Variants in PIGQ observed in about 807,000 individuals in gnomAD.
PIGQ encodes the protein phosphatidylinositol N-acetylglucosaminyltransferase subunit Q.
A neutral mutation model predicts 60.3 loss-of-function variants in PIGQ; 54 were observed. That is an observed-to-expected ratio of 0.90 (90% CI 0.72 to 1.12). The LOEUF (loss-of-function observed/expected upper bound fraction) is 1.12, where lower values mean the gene tolerates loss of function less well. Among genes scored for constraint, PIGQ ranks in the 50% most tolerant of loss-of-function variants. PIGQ has a pLI of 0.00. For synonymous variants in PIGQ, 416 were observed against 363.7 expected (o/e 1.14, Z -1.64); for missense variants, 799 against 793.5 (o/e 1.01, Z -0.08).
rs568054183 is a variant in PIGQ, at chr16:579,196, C to T, written c.1335+16C>T. 162 of 1,601,584 alleles carry T rather than the reference C, an allele frequency of 1.0e-4. No homozygotes were observed. Among genetic ancestry groups the T allele is most frequent in the South Asian group, 1.4e-4 (13 of 90,788 alleles). ...CCTGGACCAGGTATGGGGCAGGGTT[C>T]GTGGCTGGAGGGGCTGACTGCCTCC... On this transcript the variant is annotated intron_variant, in intron 7 of 10. Transcript: ENST00000321878.
chr16:583,920 G>A lies in PIGQ; in HGVS notation c.*885G>A, dbSNP rs2035858977. On this transcript the variant is annotated 3_prime_UTR_variant, in exon 11 of 11. Transcript: ENST00000321878. ...CAGACGGCACGGTCTGGGTGCGGGT[G>A]TTCCCTGTGAGCCCGAGTCCGCTTC... 1 of 496,816 alleles carries A rather than the reference G, an allele frequency of 2.0e-6. No individual in the cohort carries two copies. Among genetic ancestry groups the A allele is most frequent in the African/African-American group, 1.9e-5 (1 of 51,544 alleles). 30.8% of individuals were successfully genotyped at this position (496,816 alleles called of 1,614,324 possible). A position where few individuals can be genotyped will look rare whatever the true frequency, so the allele number is the denominator to read the frequency against.
Position 576,162 on chromosome 16 carries a change from C to T in PIGQ, c.850C>T (p.Leu284=). The change falls in exon 4 of 11, where the codon CTG becomes TTG. Residue 284 remains leucine, a synonymous_variant. Coordinates refer to ENST00000321878, the MANE Select transcript of PIGQ (RefSeq NM_004204.5). ...RKANTVASVL[L]DVALGLMLLS... is the part of the protein sequence containing the mutation. ...GGCCAACACGGTGGCCTCTGTGCTG[C>T]TGGACGTGGCCCTGGGCCTCATGCT... 6.5e-7 allele frequency: 1 copy of T among 1,549,334 alleles called. No homozygotes were observed. Among genetic ancestry groups the T allele is most frequent in the Non-Finnish European group, 8.7e-7 (1 of 1,146,896 alleles).
rs146507621 is a variant in PIGQ at position 583,239 on chromosome 16, G to A, written c.*204G>A. ...GTGGGGGTGGCCAGCCAGGCTGGCC[G>A]CACTCCATCACTGGCACTGCCTGCC... On this transcript the variant is annotated 3_prime_UTR_variant, in exon 11 of 11. Coordinates refer to ENST00000321878, the MANE Select transcript of PIGQ (RefSeq NM_004204.5). 45 of 1,612,872 alleles carry A rather than the reference G, an allele frequency of 2.8e-5. No homozygotes were observed. Among genetic ancestry groups the A allele is most frequent in the Middle Eastern group, 1.6e-4 (1 of 6,062 alleles).
At chr16:578,747 G>A (rs753320897) in intron 5 of PIGQ, 38 bp from the exon 6 acceptor site, 1 of 1,604,642 alleles carries the variant, frequency 6.2e-7, no homozygotes, top group South Asian at 1.1e-5. Context: ...GAGGGCTGGG[G>A]TCTGAGCGCC....
At chr16:582,093 G>C (rs1177668077) in intron 9 of PIGQ, 155 bp from the exon 10 acceptor site, 17 of 697,360 alleles carry the variant, frequency 2.4e-5, no homozygotes, top group Non-Finnish European at 4.4e-5. Flanking sequence ...GCCAGCTCCA[G>C]GAGTTGGGCG....
At chr16:580,703 A>G in intron 8 of PIGQ, 155 bp from the exon 9 acceptor site, 1 of 658,506 alleles carries the variant, frequency 1.5e-6, no homozygotes, top group Non-Finnish European at 2.7e-6. Flanking sequence ...GCAAGGCCCA[A>G]TGGCAGACTC....
At position 583,453 on chromosome 16, in the gene PIGQ, A is replaced by G. The variant is rs1423364974; in HGVS notation, c.*418A>G. 6.2e-7 allele frequency: 1 copy of G among 1,612,526 alleles called. No individual in the cohort carries two copies. The highest frequency in any genetic ancestry group is 8.5e-7 in the Non-Finnish European group (1 of 1,179,882). ...GGCTCTGCCCTGGCTGTGGGGGTGG[A>G]GGGACCTTGCCAGGATGAACCCCCC... On this transcript the variant is annotated 3_prime_UTR_variant, in exon 11 of 11. Transcript: ENST00000321878.
Position 576,245 on chromosome 16 carries a change from T to C in PIGQ, c.933T>C (p.Pro311=). Residue 311 remains proline (P), a synonymous_variant, in exon 4 of 11, where the codon CCT becomes CCC. Transcript: ENST00000321878. ...RIGHLADALV[P]VADHVAEELQ... is the part of the protein sequence containing the mutation. Reference sequence around the variant, plus strand: ...GGCATCTGGCCGACGCCCTCGTTCCTGTGGCTGACGTGAGTGGACTGGGGT... The same window carrying C: ...GGCATCTGGCCGACGCCCTCGTTCCCGTGGCTGACGTGAGTGGACTGGGGT... 6.4e-7 allele frequency: 1 copy of C among 1,554,926 alleles called. No homozygotes were observed. Among genetic ancestry groups the C allele is most frequent in the African/African-American group, 1.4e-5 (1 of 73,620 alleles).
At chr16:570,616 C>G (rs1406724096) in intron 1 of PIGQ, 2 of 152,222 alleles carry the variant, frequency 1.3e-5, no homozygotes, top group Non-Finnish European at 2.9e-5. Flanking sequence ...CAGGTGCCCA[C>G]CACCACGCCC....
In PIGQ at chr16:578,859, A is replaced by G; in HGVS notation, c.1144A>G (p.Thr382Ala). The G allele has an allele frequency of 3.7e-6, 6 of 1,613,700 alleles. No individual in the cohort carries two copies. Among genetic ancestry groups the G allele is most frequent in the Non-Finnish European group, 5.1e-6 (6 of 1,179,890 alleles). Reference sequence around the variant, plus strand: ...GGGCCTCTCGGCCTGCCTGGGCCTGACGGTGGCCCTGTCCCTCCTCTCGGA... The same window carrying G: ...GGGCCTCTCGGCCTGCCTGGGCCTGGCGGTGGCCCTGTCCCTCCTCTCGGA... ...HVGLSACLGL[T>A]VALSLLSDII... Residue 382 changes from threonine (T) to alanine (A), a missense_variant, in exon 6 of 11, where the codon ACG (threonine) becomes GCG (alanine). By Grantham distance (58) the Thr-to-Ala change is moderately conservative (BLOSUM62 0). Coordinates refer to ENST00000321878, the MANE Select transcript of PIGQ (RefSeq NM_004204.5).
Position 574,586 on chromosome 16 carries a change from G to A in PIGQ, c.512G>A (p.Arg171His), listed in dbSNP as rs775456149. ...GLAAVFDTVA[R>H]SEVLFRSDRF... ...GCTGCCGTCTTCGACACGGTAGCAC[G>A]CAGTGAGGTGCTCTTCCGCAGTGAC... is the stretch of plus-strand genomic sequence containing the variant. The change falls in exon 2 of 11, where the codon CGC becomes CAC. Residue 171 changes from arginine (R) to histidine (H), a missense_variant. Physicochemically the swap from Arg to His is conservative, Grantham distance 29. Transcript: ENST00000321878. 65 of 1,604,072 alleles carry A rather than the reference G, an allele frequency of 4.1e-5. No individual in the cohort carries two copies. The highest frequency in any genetic ancestry group is 5.2e-5 in the Non-Finnish European group (61 of 1,176,328).
At chr16:570,228 C>T (rs1414621129) in intron 1 of PIGQ, 132 bp downstream of exon 1, 2 of 152,000 alleles carry the variant, frequency 1.3e-5, no homozygotes, top group Admixed American at 6.5e-5. Context: ...GGGCCGCCCC[C>T]GGGCCCGCGC....
At chr16:577,305 T>TCAC (rs2035732857) in intron 4 of PIGQ, 1 of 151,830 alleles carries the variant, frequency 6.6e-6, no homozygotes, top group Non-Finnish European at 1.5e-5. Context: ...CAGCCGGGGG[T>TCAC]GGTGGCTCAT....
chr16:576,378 A>T, intron 4 of PIGQ, 124 bp downstream of exon 4: 1 of 1,171,120 alleles, frequency 8.5e-7, no homozygotes, highest in Non-Finnish European at 1.2e-6. Flanking sequence ...CATGCTCTGG[A>T]GACACGGCCC....
intron 6 of PIGQ, 23 bp downstream of exon 6, chr16:578,961 C>T: frequency 6.2e-7 from 1 of 1,604,744 alleles, no homozygotes; most frequent in Non-Finnish European, 8.5e-7. Context: ...TTCCCCCTCC[C>T]CACCGCCCCC....
In PIGQ at chr16:583,093, C is replaced by T. The variant is rs375309511; in HGVS notation, c.*58C>T. On this transcript the variant is annotated 3_prime_UTR_variant, in exon 11 of 11. Coordinates refer to ENST00000321878, the MANE Select transcript of PIGQ (RefSeq NM_004204.5). ...GGCCACAGCCAGCCATCTGCTCTGC[C>T]AGGGTGGCACCAGCTCAGCTGGCGC... 1 of 1,612,980 alleles carries T rather than the reference C, an allele frequency of 6.2e-7. No homozygotes were observed. Among genetic ancestry groups the T allele is most frequent in the Non-Finnish European group, 8.5e-7 (1 of 1,179,984 alleles).
At chr16:576,326 C>A in intron 4 of PIGQ, 72 bp downstream of exon 4, 1 of 1,473,214 alleles carries the variant, frequency 6.8e-7, no homozygotes, top group Non-Finnish European at 9.1e-7. Flanking sequence ...AGAGCCTTCC[C>A]GGGCCAGAGC....
In PIGQ at chr16:574,070, C is replaced by T. The variant is rs932208184; in HGVS notation, c.-5C>T. Reference sequence around the variant, plus strand: ...GCCTCTCCTCTTCTCTTCCAGCCTCCCGGCATGGTGCTCAAGGCCTTCTTC... The same window carrying T: ...GCCTCTCCTCTTCTCTTCCAGCCTCTCGGCATGGTGCTCAAGGCCTTCTTC... On this transcript the variant is annotated 5_prime_UTR_variant, in exon 2 of 11. Coordinates refer to ENST00000321878, the MANE Select transcript of PIGQ (RefSeq NM_004204.5). 32 of 1,590,906 alleles carry T rather than the reference C, an allele frequency of 2.0e-5. No homozygotes were observed. The highest frequency in any genetic ancestry group is 2.7e-5 in the Non-Finnish European group (31 of 1,168,920).
chr16:574,260 G>A lies in PIGQ; in HGVS notation c.186G>A (p.Val62=). 1.2e-6 allele frequency: 2 copies of A among 1,608,456 alleles called. No individual in the cohort carries two copies. Among genetic ancestry groups the A allele is most frequent in the Middle Eastern group, 3.3e-4 (2 of 6,052 alleles). ...VRQASQVGVA[V]LGTWCHCRQE... is the part of the protein sequence containing the mutation. ...AGGCCAGCCAGGTGGGCGTGGCCGT[G>A]CTGGGCACCTGGTGCCACTGCCGGC... The change falls in exon 2 of 11, where the codon GTG becomes GTA. Residue 62 remains valine, a synonymous_variant. Transcript: ENST00000321878.
Sources: allele counts gnomAD v4.1 joint callset, GRCh38; gene constraint gnomAD v4.1.1; transcripts MANE v1.5; gene names NCBI Gene and HGNC (gene_info 2026-07-23, HGNC 2026-07-21).